PPP3CA: variants seen among roughly 807,000 people sequenced by gnomAD.
The protein encoded by PPP3CA is CAM-PRP catalytic subunit.
Under a neutral mutation model 66.5 loss-of-function variants are expected in PPP3CA, and 14 were observed. The observed-to-expected ratio is 0.21, with a 90% CI of 0.14 to 0.33. The LOEUF is 0.33. Among genes scored for constraint, PPP3CA ranks in the 10% least tolerant of loss-of-function variants. The pLI is 1.00. For missense variants in PPP3CA, 317 were observed against 639.5 expected (o/e 0.50, Z 5.44); for synonymous variants, 232 against 226.2 (o/e 1.03, Z -0.23).
At chr4:101,342,956 T>A (rs895917272) in intron 1 of PPP3CA, among the ~76,000 whole-genome samples, 4 of 152,164 alleles carry the variant, frequency 2.6e-5, no homozygotes, top group Admixed American at 1.3e-4. Context: ...GATCTTAGCA[T>A]CTTTCAGAAT....
intron 8 of PPP3CA, among the ~76,000 whole-genome samples, chr4:101,078,779 G>A (rs909878160): frequency 6.6e-6 from 1 of 152,038 alleles, no homozygotes; most frequent in Non-Finnish European, 1.5e-5. Context: ...CAAAATTCTA[G>A]GTGACATCAA....
At chr4:101,032,488 C>CT in intron 11 of PPP3CA, 124 bp from the exon 12 acceptor site, 5 of 749,064 alleles carry the variant, frequency 6.7e-6, no homozygotes, top group Non-Finnish European at 1.1e-5. Context: ...CTCTCCGGAT[C>CT]TTTTTTTAAA....
chr4:101,187,193 C>A (rs1724439479), intron 2 of PPP3CA, among the ~76,000 whole-genome samples: 1 of 152,100 alleles, frequency 6.6e-6, no homozygotes, highest in Non-Finnish European at 1.5e-5. Flanking sequence ...CCTCAGGTGA[C>A]CTGCACAGCA....
Position 101,346,754 on chromosome 4 carries a change from C to A in PPP3CA, c.43G>T (p.Asp15Tyr). ...KAIDPKLSTT[D>Y]RVVKAVPFPP... ...CTCCGCTTACCTTTCACCACCCTGT[C>A]GGTCGTCGACAACTTGGGATCAATT... The change falls in exon 1 of 14, where the codon GAC becomes TAC. Residue 15 changes from aspartate to tyrosine, a missense_variant. Physicochemically the swap from Asp to Tyr is radical, Grantham distance 160. Transcript: ENST00000394854. 6.2e-7 allele frequency: 1 copy of A among 1,611,698 alleles called. No individual in the cohort carries two copies. The highest frequency in any genetic ancestry group is 8.5e-7 in the Non-Finnish European group (1 of 1,179,220).
chr4:101,023,481 T>TTTG lies in PPP3CA; in HGVS notation c.*2381_*2383dup, dbSNP rs1273562839. 1 of 152,202 alleles carries TTTG rather than the reference T, an allele frequency of 6.6e-6. No individual in the cohort carries two copies. The highest frequency in any genetic ancestry group is 1.9e-4 in the East Asian group (1 of 5,198). 9.4% of individuals were successfully genotyped at this position (152,202 alleles called of 1,614,324 possible). On this transcript the variant is annotated 3_prime_UTR_variant, in exon 14 of 14. Transcript: ENST00000394854. Reference sequence around the variant, plus strand: ...CTATGCCATAGTTGCCTCAGCACAATTTGTAAAAGAAAGGAATCCAAAAAA... The same window carrying TTTG: ...CTATGCCATAGTTGCCTCAGCACAATTTGTTGTAAAAGAAAGGAATCCAAAAAA...
At chr4:101,256,917 T>A (rs1403333297) in intron 1 of PPP3CA, among the ~76,000 whole-genome samples, 1 of 152,068 alleles carries the variant, frequency 6.6e-6, no homozygotes, top group Non-Finnish European at 1.5e-5. Flanking sequence ...ATTAATGCTG[T>A]AAAGTAAGTT....
At chr4:101,273,364 G>C (rs1727392015) in intron 1 of PPP3CA, among the ~76,000 whole-genome samples, 1 of 151,950 alleles carries the variant, frequency 6.6e-6, no homozygotes, top group South Asian at 2.1e-4. Context: ...TGCAGCCTGA[G>C]TGACAGAGTG....
At chr4:101,167,469 A>G (rs1723728317) in intron 2 of PPP3CA, among the ~76,000 whole-genome samples, 1 of 152,220 alleles carries the variant, frequency 6.6e-6, no homozygotes, top group African/African-American at 2.4e-5. Context: ...TATGTGATGT[A>G]TTGTTTTAGA....
intron 1 of PPP3CA, among the ~76,000 whole-genome samples, chr4:101,234,366 C>G (rs901924495): frequency 1.3e-5 from 2 of 151,808 alleles, no homozygotes. Context: ...TATAAGGGTT[C>G]CCTTTTCTCC....
intron 1 of PPP3CA, among the ~76,000 whole-genome samples, chr4:101,285,263 A>G (rs1727802474): frequency 1.3e-5 from 2 of 152,218 alleles, no homozygotes; most frequent in African/African-American, 2.4e-5. Flanking sequence ...TATTATCCTT[A>G]ACTTGCTTTC....
chr4:101,341,173 A>G (rs745430845), intron 1 of PPP3CA, among the ~76,000 whole-genome samples: 17 of 150,714 alleles, frequency 1.1e-4, no homozygotes, highest in South Asian at 6.3e-4. Flanking sequence ...TCTTAAATAT[A>G]CCAAAAGAAG....
intron 1 of PPP3CA, among the ~76,000 whole-genome samples, chr4:101,295,030 G>A (rs921966452): frequency 1.2e-4 from 19 of 152,002 alleles, no homozygotes; most frequent in African/African-American, 2.9e-4. Context: ...GGCCGGGCGC[G>A]GTGGCTCACG....
chr4:101,079,189 T>C (rs1335534413), intron 8 of PPP3CA, among the ~76,000 whole-genome samples: 1 of 152,184 alleles, frequency 6.6e-6, no homozygotes, highest in Non-Finnish European at 1.5e-5. Context: ...AAGGCCCATA[T>C]TAGGCATCCT....
At chr4:101,339,557 C>A (rs1729741688) in intron 1 of PPP3CA, among the ~76,000 whole-genome samples, 1 of 152,160 alleles carries the variant, frequency 6.6e-6, no homozygotes, top group Non-Finnish European at 1.5e-5. Flanking sequence ...CCTGATTGGG[C>A]TGGAGAAAGA....
chr4:101,164,983 T>A (rs1723645258), intron 2 of PPP3CA, among the ~76,000 whole-genome samples: 1 of 152,124 alleles, frequency 6.6e-6, no homozygotes. Flanking sequence ...ATCTAGTGAT[T>A]AGCACTGACT....
At chr4:101,229,293 T>C (rs1292575563) in intron 1 of PPP3CA, among the ~76,000 whole-genome samples, 3 of 151,594 alleles carry the variant, frequency 2.0e-5, no homozygotes, top group Non-Finnish European at 3.0e-5. Flanking sequence ...TGGTTTTGAA[T>C]GGAATTTCAA....
chr4:101,259,086 T>C (rs1315871825), intron 1 of PPP3CA, among the ~76,000 whole-genome samples: 1 of 152,150 alleles, frequency 6.6e-6, no homozygotes, highest in Non-Finnish European at 1.5e-5. Flanking sequence ...AATACTTTTA[T>C]TGCTGCAAGC....
chr4:101,229,951 A>G (rs537611985), intron 1 of PPP3CA, among the ~76,000 whole-genome samples: 10 of 151,798 alleles, frequency 6.6e-5, no homozygotes, highest in African/African-American at 2.4e-4. Flanking sequence ...GAGATATTAA[A>G]AAGAAGAAAA....
chr4:101,062,683 T>C (rs1314071180), intron 9 of PPP3CA, among the ~76,000 whole-genome samples: 1 of 151,972 alleles, frequency 6.6e-6, no homozygotes, highest in Non-Finnish European at 1.5e-5. Context: ...AAAATGTAAA[T>C]TTGTCTCCTG....
Sources: gnomAD v4.1 joint callset for allele counts (sites outside exome capture counted in the v4.1 genomes callset) on GRCh38, gnomAD v4.1.1 for gene constraint, MANE v1.5 for transcripts, NCBI Gene and HGNC (gene_info 2026-07-23, HGNC 2026-07-21) for gene names.